Variants in ZFR2 observed in about 807,000 individuals in gnomAD.
ZFR2 encodes the protein zinc finger RNA binding protein 2, also known as zinc finger RNA-binding protein 2.
Under a neutral mutation model 105.7 loss-of-function variants are expected in ZFR2, and 104 were observed. That is an observed-to-expected ratio of 0.98 (90% CI 0.84 to 1.16). The LOEUF (loss-of-function observed/expected upper bound fraction) is 1.16, where lower values mean the gene tolerates loss of function less well. Among genes scored for constraint, ZFR2 ranks in the 50% most tolerant of loss-of-function variants. The pLI is 0.00. For missense variants in ZFR2, 1,425 were observed against 1,355.5 expected (o/e 1.05, Z -0.80); for synonymous variants, 634 against 597.7 (o/e 1.06, Z -0.89).
At chr19:3,840,976 TCA>T (rs1157316579) in intron 1 of ZFR2, among the ~76,000 whole-genome samples, 1 of 152,140 alleles carries the variant, frequency 6.6e-6, no homozygotes, top group African/African-American at 2.4e-5. Flanking sequence ...ACTGCACAGA[TCA>T]CACACATACA....
intron 1 of ZFR2, among the ~76,000 whole-genome samples, chr19:3,854,547 T>C (rs1403687880): frequency 1.3e-5 from 2 of 152,160 alleles, no homozygotes; most frequent in African/African-American, 4.8e-5. Flanking sequence ...AAGTCGATTA[T>C]TCCAAACATG....
In ZFR2 at chr19:3,834,952, C is replaced by T; in HGVS notation, c.85G>A (p.Val29Met). The change falls in exon 2 of 19, where the codon GTG becomes ATG. Residue 29 changes from valine (V) to methionine (M), a missense_variant. Transcript: ENST00000262961. This position sits in a 1 kb window ranked among gnomAD's most constrained non-coding sequence, Gnocchi z 5.3. ...AQPPTLPLPT[V>M]GASYTAQPTP... Reference sequence around the variant, plus strand: ...GGTTGTGCAGTATAGCTGGCCCCCACAGTGGGCAGGGGAAGGGTCGGAGGC... The same window carrying T: ...GGTTGTGCAGTATAGCTGGCCCCCATAGTGGGCAGGGGAAGGGTCGGAGGC... 1.2e-6 allele frequency: 2 copies of T among 1,611,692 alleles called. No homozygotes were observed. The highest frequency in any genetic ancestry group is 2.2e-5 in the South Asian group (2 of 90,644).
intron 1 of ZFR2, among the ~76,000 whole-genome samples, chr19:3,867,432 T>G (rs2038446064): frequency 6.6e-6 from 1 of 151,996 alleles, no homozygotes; most frequent in Non-Finnish European, 1.5e-5. Flanking sequence ...GAGAACAGTG[T>G]AGAGTGTGTG....
intron 16 of ZFR2, among the ~76,000 whole-genome samples, chr19:3,809,628 G>A (rs1050750248): frequency 6.6e-5 from 10 of 152,320 alleles, no homozygotes; most frequent in Middle Eastern, 3.4e-3. Flanking sequence ...CCCAGGAGAG[G>A]AGAGGACGTT....
At position 3,804,045 on chromosome 19, in the gene ZFR2, C is replaced by G. The variant is rs550084587; in HGVS notation, c.*1904G>C. On this transcript the variant is annotated 3_prime_UTR_variant, in exon 19 of 19. Transcript: ENST00000262961. ...AAAAGACAAATGATTTCCTTTATTC[C>G]CCCTGCCTCCCAATTTCCAGGTAGC... 1.3e-5 allele frequency: 2 copies of G among 152,358 alleles called. No homozygotes were observed. Among genetic ancestry groups the G allele is most frequent in the African/African-American group, 4.8e-5 (2 of 41,446 alleles). The allele number at this position is 152,358 out of a possible 1,614,324, so 9.4% of individuals were successfully genotyped here.
rs61744280 is a variant in ZFR2, at chr19:3,834,922, G to C, written c.115C>G (p.Pro39Ala). 25 of 1,611,832 alleles carry C rather than the reference G, an allele frequency of 1.6e-5. No homozygotes were observed. In the African/African-American group the frequency reaches 3.2e-4, roughly 21 times the overall value. ...VGASYTAQPT[P>A]GMDPAVNPAF... ...GGGTTCACGGCAGGGTCCATCCCAG[G>C]AGTGGGTTGTGCAGTATAGCTGGCC... The change falls in exon 2 of 19, where the codon CCT (proline) becomes GCT (alanine). Residue 39 changes from proline (P) to alanine (A), a missense_variant. Pro to Ala is a conservative substitution (Grantham distance 27). Coordinates refer to ENST00000262961, the MANE Select transcript of ZFR2 (RefSeq NM_015174.2). This position sits in a 1 kb window ranked among gnomAD's most constrained non-coding sequence, Gnocchi z 5.3.
intron 1 of ZFR2, among the ~76,000 whole-genome samples, chr19:3,840,855 G>A (rs1216655829): frequency 6.6e-6 from 1 of 152,168 alleles, no homozygotes; most frequent in African/African-American, 2.4e-5. Context: ...TGCAGCTGAG[G>A]AACAGAATGT....
chr19:3,855,847 G>C (rs986667830), intron 1 of ZFR2, among the ~76,000 whole-genome samples: 1 of 152,144 alleles, frequency 6.6e-6, no homozygotes, highest in Non-Finnish European at 1.5e-5. Context: ...GAAGGAATGA[G>C]GGGAGATGGG....
intron 1 of ZFR2, among the ~76,000 whole-genome samples, chr19:3,836,990 T>C (rs1468734139): frequency 6.6e-6 from 1 of 151,638 alleles, no homozygotes; most frequent in Non-Finnish European, 1.5e-5. Context: ...TTGGGGAAAA[T>C]GGATTAGAAG....
intron 1 of ZFR2, 42 bp downstream of exon 1, chr19:3,868,923 A>AT: frequency 8.0e-7 from 1 of 1,254,918 alleles, no homozygotes; most frequent in Non-Finnish European, 1.0e-6. Flanking sequence ...GCCAGGCTGC[A>AT]GGGGCCGGGA....
At chr19:3,843,219 C>G (rs1416827011) in intron 1 of ZFR2, among the ~76,000 whole-genome samples, 1 of 152,150 alleles carries the variant, frequency 6.6e-6, no homozygotes, top group African/African-American at 2.4e-5. Context: ...GCCTGGGATC[C>G]CAGCACTTCG....
rs1455927672 is a variant in ZFR2, at chr19:3,816,831, TG to T, written c.1945del (p.Gln649ArgfsTer5). 1 of 1,566,684 alleles carries T rather than the reference TG, an allele frequency of 6.4e-7. No homozygotes were observed. The highest frequency in any genetic ancestry group is 1.9e-5 in the Admixed American group (1 of 52,260). On this transcript the variant is annotated frameshift_variant, in exon 13 of 19. Coordinates refer to ENST00000262961, the MANE Select transcript of ZFR2 (RefSeq NM_015174.2). LOFTEE classifies it high-confidence loss of function. ...CATGACGCCTTTCAGGACCCGAGTC[TG>T]GGGGGCAACGCTGCTGTGGGGACAA... ...EGDKRSSVAP[Q>X]TRVLKGVMRV...
At chr19:3,863,916 A>G (rs1162341502) in intron 1 of ZFR2, among the ~76,000 whole-genome samples, 3 of 152,120 alleles carry the variant, frequency 2.0e-5, no homozygotes, top group African/African-American at 4.8e-5. Context: ...ACCTACCCCA[A>G]GGATCACGTG....
Position 3,827,511 on chromosome 19 carries a change from T to C in ZFR2, c.995A>G (p.Asp332Gly). Reference protein sequence around the residue: ...DLCAVSCTGADAYAAHIRGSK... With the variant: ...DLCAVSCTGAGAYAAHIRGSK... ...TCCCCGGATGTGGGCCGCGTAGGCGTCCGCCCCGGTGCAGGACACGGCGCA... is the reference window on the plus strand; with the variant it reads ...TCCCCGGATGTGGGCCGCGTAGGCGCCCGCCCCGGTGCAGGACACGGCGCA... Residue 332 changes from aspartate to glycine, a missense_variant, in exon 6 of 19, where the codon GAC becomes GGC. By Grantham distance (94) the Asp-to-Gly change is moderately conservative (BLOSUM62 -1). Coordinates refer to ENST00000262961, the MANE Select transcript of ZFR2 (RefSeq NM_015174.2). 1 of 1,556,536 alleles carries C rather than the reference T, an allele frequency of 6.4e-7. No individual in the cohort carries two copies. Among genetic ancestry groups the C allele is most frequent in the South Asian group, 1.2e-5 (1 of 84,496 alleles).
chr19:3,843,493 T>C (rs2033580945), intron 1 of ZFR2, among the ~76,000 whole-genome samples: 1 of 141,988 alleles, frequency 7.0e-6, no homozygotes, highest in South Asian at 2.3e-4. Flanking sequence ...TGAATGAACA[T>C]AACGTGGTCC....
intron 16 of ZFR2, 43 bp downstream of exon 16, chr19:3,810,707 T>TGG: frequency 1.3e-6 from 2 of 1,527,598 alleles, no homozygotes; most frequent in Non-Finnish European, 1.8e-6. Context: ...TGGAGGCCCT[T>TGG]GGGGGTCCCA....
chr19:3,833,651 G>C lies in ZFR2; in HGVS notation c.379+13C>G. 3 of 1,546,222 alleles carry C rather than the reference G, an allele frequency of 1.9e-6. No homozygotes were observed. The highest frequency in any genetic ancestry group is 2.6e-6 in the Non-Finnish European group (3 of 1,144,346). ...TCTCCTCGTTCCCAGCCCCGACCCT[G>C]CAGATGGCTCACCTGGCTGGCCGGA... On this transcript the variant is annotated intron_variant, in intron 3 of 18. Transcript: ENST00000262961.
At chr19:3,856,216 C>T (rs1346838265) in intron 1 of ZFR2, among the ~76,000 whole-genome samples, 3 of 152,238 alleles carry the variant, frequency 2.0e-5, no homozygotes, top group South Asian at 4.1e-4. Context: ...GGGAAGCCAG[C>T]AGGATGAAGG....
intron 17 of ZFR2, among the ~76,000 whole-genome samples, chr19:3,808,343 A>G (rs2037725719): frequency 6.6e-6 from 1 of 152,218 alleles, no homozygotes; most frequent in South Asian, 2.1e-4. Flanking sequence ...TTCACTTGCT[A>G]TCATCCTATG....
Sources: allele counts gnomAD v4.1 joint callset (sites outside exome capture counted in the v4.1 genomes callset), GRCh38; gene constraint gnomAD v4.1.1; non-coding constraint Gnocchi (gnomAD v3.1); transcripts MANE v1.5; gene names NCBI Gene and HGNC (gene_info 2026-07-23, HGNC 2026-07-21).